The following OSBPL1A variants were observed in gnomAD, a reference collection of about 807,000 sequenced individuals.
The protein encoded by OSBPL1A is oxysterol-binding protein-related protein 1.
OSBPL1A carries 80 observed loss-of-function variants against 137.1 expected under a neutral mutation model. The ratio of observed to expected loss-of-function variants is 0.58; its 90% confidence interval spans 0.49 to 0.70. The LOEUF (loss-of-function observed/expected upper bound fraction) is 0.70, where lower values mean the gene tolerates loss of function less well. Among genes scored for constraint, OSBPL1A ranks in the 30% least tolerant of loss-of-function variants. The pLI is 0.00. For synonymous variants in OSBPL1A, 365 were observed against 389.7 expected (o/e 0.94, Z 0.75); for missense variants, 970 against 1,129.4 (o/e 0.86, Z 2.02).
At chr18:24,362,143 T>C (rs2091632679) in intron 4 of OSBPL1A, among the ~76,000 whole-genome samples, 1 of 152,064 alleles carries the variant, frequency 6.6e-6, no homozygotes, top group East Asian at 1.9e-4. Flanking sequence ...AATTTATGGA[T>C]ATTACATTTG....
intron 1 of OSBPL1A, among the ~76,000 whole-genome samples, chr18:24,381,875 C>T (rs1333754029): frequency 2.7e-5 from 4 of 150,014 alleles, no homozygotes; most frequent in African/African-American, 7.4e-5. Flanking sequence ...GCAGGAGAAT[C>T]GCTTGAACCC....
intron 17 of OSBPL1A, among the ~76,000 whole-genome samples, chr18:24,216,629 A>G (rs1041445048): frequency 2.6e-5 from 4 of 152,214 alleles, no homozygotes; most frequent in Non-Finnish European, 5.9e-5. Flanking sequence ...CTTTTCAGCT[A>G]CCTCTTTCTT....
At chr18:24,260,154 T>TA (rs557296324) in intron 15 of OSBPL1A, among the ~76,000 whole-genome samples, 5 of 151,964 alleles carry the variant, frequency 3.3e-5, no homozygotes, top group South Asian at 4.2e-4. Flanking sequence ...TAATTTTTTT[T>TA]AAAAAAAAGA....
rs138990548 is a variant in OSBPL1A at position 24,175,714 on chromosome 18, C to T, written c.2093+2299G>A. On this transcript the variant is annotated intron_variant, in intron 21 of 27. Coordinates refer to ENST00000319481, the MANE Select transcript of OSBPL1A (RefSeq NM_080597.4). ...TATCATATCCATAAGAGTTCTTTGC[C>T]TAATCCAAAGTTGTAAGAGTTTCTC... is the stretch of plus-strand genomic sequence containing the variant. Among the ~76,000 whole-genome samples the T allele has an allele frequency of 4.0e-3, 603 of 152,128 alleles. 5 individuals carry two copies. Among genetic ancestry groups the T allele is most frequent in the African/African-American group, 0.014 (579 of 41,510 alleles).
At chr18:24,386,169 A>T (rs1906952362) in intron 1 of OSBPL1A, among the ~76,000 whole-genome samples, 1 of 152,168 alleles carries the variant, frequency 6.6e-6, no homozygotes, top group Non-Finnish European at 1.5e-5. Flanking sequence ...GAGAAAAAAA[A>T]TGGGTCACGG....
At chr18:24,245,886 T>C (rs1275058147) in intron 15 of OSBPL1A, among the ~76,000 whole-genome samples, 3 of 152,120 alleles carry the variant, frequency 2.0e-5, no homozygotes, top group African/African-American at 4.8e-5. Context: ...CAGTCCTTCC[T>C]AGCACTAAAC....
At chr18:24,333,817 C>T (rs997838054) in intron 6 of OSBPL1A, among the ~76,000 whole-genome samples, 1 of 152,132 alleles carries the variant, frequency 6.6e-6, no homozygotes, top group Non-Finnish European at 1.5e-5. Flanking sequence ...TAGTACCTTC[C>T]AGAAGTGTAG....
chr18:24,252,861 T>C (rs1351507219), intron 15 of OSBPL1A, among the ~76,000 whole-genome samples: 1 of 152,160 alleles, frequency 6.6e-6, no homozygotes, highest in African/African-American at 2.4e-5. Flanking sequence ...TAGTTTTCTT[T>C]TTGCATGTTT....
chr18:24,167,642 T>C (rs1341884635), intron 24 of OSBPL1A, among the ~76,000 whole-genome samples, 197 bp from the exon 25 acceptor site: 2 of 152,204 alleles, frequency 1.3e-5, no homozygotes, highest in Non-Finnish European at 2.9e-5. Context: ...AAATGACCGA[T>C]ACTCAGTAAC....
At chr18:24,216,008 A>G (rs1482225386) in intron 17 of OSBPL1A, among the ~76,000 whole-genome samples, 2 of 152,228 alleles carry the variant, frequency 1.3e-5, no homozygotes, top group Non-Finnish European at 2.9e-5. Context: ...CTTGAAATAG[A>G]AATTGGATAT....
intron 15 of OSBPL1A, among the ~76,000 whole-genome samples, chr18:24,243,089 C>T (rs1251947059): frequency 1.3e-5 from 2 of 152,158 alleles, no homozygotes; most frequent in African/African-American, 2.4e-5. Flanking sequence ...ATAAGCCAGG[C>T]GCAGTGGCAG....
chr18:24,233,240 T>G (rs2088337263), intron 16 of OSBPL1A, among the ~76,000 whole-genome samples: 1 of 152,212 alleles, frequency 6.6e-6, no homozygotes, highest in Non-Finnish European at 1.5e-5. Context: ...ATTCCTAAAG[T>G]CATGTACCTT....
intron 15 of OSBPL1A, among the ~76,000 whole-genome samples, chr18:24,246,466 A>C (rs772297107): frequency 1.3e-5 from 2 of 151,920 alleles, no homozygotes; most frequent in Non-Finnish European, 2.9e-5. Context: ...TATAATGCTG[A>C]AAAGGGGATG....
At chr18:24,177,372 C>T (rs2086477530) in intron 21 of OSBPL1A, among the ~76,000 whole-genome samples, 1 of 152,184 alleles carries the variant, frequency 6.6e-6, no homozygotes, top group Admixed American at 6.5e-5. Context: ...GATTCTGAGC[C>T]AGATTTGGGA....
intron 7 of OSBPL1A, among the ~76,000 whole-genome samples, chr18:24,321,412 T>G (rs557223051): frequency 5.8e-4 from 88 of 152,310 alleles, no homozygotes; most frequent in African/African-American, 2.1e-3. Flanking sequence ...TCCTCTCACC[T>G]CAGCCTCCCT....
chr18:24,270,348 C>CT (rs1310800277), intron 15 of OSBPL1A, among the ~76,000 whole-genome samples: 1 of 152,162 alleles, frequency 6.6e-6, no homozygotes, highest in African/African-American at 2.4e-5. Context: ...AAGACCTTTG[C>CT]TTTAATATGG....
At chr18:24,231,437 C>T (rs971331901) in intron 16 of OSBPL1A, among the ~76,000 whole-genome samples, 6 of 152,072 alleles carry the variant, frequency 3.9e-5, no homozygotes, top group African/African-American at 9.7e-5. Flanking sequence ...GGATTACAGG[C>T]GCCCACCACC....
At chr18:24,223,420 T>C (rs116789981) in intron 17 of OSBPL1A, among the ~76,000 whole-genome samples, 5,087 of 152,236 alleles carry the variant, frequency 0.033, 112 homozygotes, top group South Asian at 0.073. Flanking sequence ...TTTTCCTCTT[T>C]CACTTTGAAC....
chr18:24,247,783 G>A (rs1047674200), intron 15 of OSBPL1A, among the ~76,000 whole-genome samples: 15 of 151,988 alleles, frequency 9.9e-5, no homozygotes, highest in Admixed American at 4.6e-4. Context: ...ACAAGAGGAC[G>A]CTGGTTACAG....
Sources: gnomAD v4.1 joint callset for allele counts (sites outside exome capture counted in the v4.1 genomes callset) on GRCh38, gnomAD v4.1.1 for gene constraint, MANE v1.5 for transcripts, NCBI Gene and HGNC (gene_info 2026-07-23, HGNC 2026-07-21) for gene names.